The following ANKHD1 variants were observed in gnomAD, a reference collection of about 807,000 sequenced individuals.
The protein encoded by ANKHD1 is ankyrin repeat and KH domain containing 1, also known as ankyrin repeat and KH domain-containing protein 1.
In ANKHD1, 31 loss-of-function variants were observed where a neutral mutation model predicts 230.5. The observed-to-expected ratio is 0.13, with a 90% CI of 0.10 to 0.18. ANKHD1 has a LOEUF of 0.18. Among genes scored for constraint, ANKHD1 ranks in the 10% least tolerant of loss-of-function variants. The probability of loss-of-function intolerance (pLI) is 1.00; values close to 1 mark genes in which losing one functional copy is unlikely to be tolerated. For missense variants in ANKHD1, 2,256 were observed against 3,071.3 expected (o/e 0.73, Z 6.27); for synonymous variants, 1,074 against 1,117.6 (o/e 0.96, Z 0.78).
At chr5:140,449,111 A>T (rs1274273182) in intron 6 of ANKHD1, 100 bp from the exon 7 acceptor site, 1 of 1,243,690 alleles carries the variant, frequency 8.0e-7, no homozygotes. Flanking sequence ...TAAGTTATCA[A>T]ATTCTTGTAT....
chr5:140,447,876 A>G (rs936814515), intron 6 of ANKHD1, among the ~76,000 whole-genome samples: 2 of 152,192 alleles, frequency 1.3e-5, no homozygotes, highest in Non-Finnish European at 2.9e-5. Flanking sequence ...GCGGCCTTAT[A>G]ACTACCACTT....
chr5:140,513,286 C>T, intron 23 of ANKHD1, 77 bp from the exon 24 acceptor site: 1 of 1,407,744 alleles, frequency 7.1e-7, no homozygotes, highest in South Asian at 1.5e-5. Context: ...AACCTCTGGA[C>T]TTTAATGTGC....
chr5:140,459,425 A>C lies in ANKHD1; in HGVS notation c.1672+70A>C, dbSNP rs938661716. On this transcript the variant is annotated intron_variant, in intron 9 of 33. Transcript: ENST00000360839. The stretch of plus-strand genomic sequence containing the variant: ...AATAATAGTTTATATGTGGAATCTA[A>C]AAACGTTGAGCTCCTAGTAGATAAT... 7 of 1,435,358 alleles carry C rather than the reference A, an allele frequency of 4.9e-6. No homozygotes were observed. In the Admixed American group the frequency reaches 1.2e-4, roughly 24 times the overall value. 88.9% of individuals were successfully genotyped at this position (1,435,358 alleles called of 1,614,324 possible).
intron 20 of ANKHD1, 144 bp downstream of exon 20, chr5:140,508,142 T>C: frequency 8.6e-7 from 1 of 1,168,510 alleles, no homozygotes; most frequent in Non-Finnish European, 1.2e-6. Flanking sequence ...TGCTGTATAA[T>C]AGTGAGTGAC....
chr5:140,405,227 C>T (rs1434584904), intron 1 of ANKHD1, among the ~76,000 whole-genome samples: 1 of 152,046 alleles, frequency 6.6e-6, no homozygotes, highest in Non-Finnish European at 1.5e-5. Context: ...TACATGTAGA[C>T]CTCATTTTTG....
At position 140,506,726 on chromosome 5, in the gene ANKHD1, A is replaced by G; in HGVS notation, c.3409-109A>G. 5 of 1,464,602 alleles carry G rather than the reference A, an allele frequency of 3.4e-6. No individual in the cohort carries two copies. The highest frequency in any genetic ancestry group is 2.4e-5 in the East Asian group (1 of 42,256). 90.7% of individuals were successfully genotyped at this position (1,464,602 alleles called of 1,614,324 possible). On this transcript the variant is annotated intron_variant, in intron 18 of 33. Transcript: ENST00000360839. This position sits in a 1 kb window ranked among gnomAD's most constrained non-coding sequence, Gnocchi z 4.7. Reference sequence around the variant, plus strand: ...GGGTCTAATGAAATGTAATTAAAATATCAGATATTTAGATAAGGAAGTTAT... The same window carrying G: ...GGGTCTAATGAAATGTAATTAAAATGTCAGATATTTAGATAAGGAAGTTAT...
At position 140,526,403 on chromosome 5, in the gene ANKHD1, G is replaced by C. The variant is rs780547952; in HGVS notation, c.4900G>C (p.Glu1634Gln). The C allele has an allele frequency of 3.7e-6, 6 of 1,613,738 alleles. No individual in the cohort carries two copies. The highest frequency in any genetic ancestry group is 5.1e-6 in the Non-Finnish European group (6 of 1,179,894). The change falls in exon 26 of 34, where the codon GAA becomes CAA. Residue 1634 changes from glutamate (E) to glutamine (Q), a missense_variant. Physicochemically the swap from Glu to Gln is conservative, Grantham distance 29 (BLOSUM62 2). Coordinates refer to ENST00000360839, the MANE Select transcript of ANKHD1 (RefSeq NM_017747.3). ...KYPSLLLHSQ[E>Q]EKTSTATSKT... ...CCCCTCACTGCTCCTTCATTCCCAA[G>C]AAGAAAAGACAAGTACTGCTACTTC...
At chr5:140,466,790 C>A (rs1236835436) in intron 10 of ANKHD1, among the ~76,000 whole-genome samples, 1 of 151,878 alleles carries the variant, frequency 6.6e-6, no homozygotes, top group Admixed American at 6.6e-5. Flanking sequence ...ACTAAAAATA[C>A]AAAAAAATTA....
At chr5:140,463,913 C>T (rs747101569) in intron 9 of ANKHD1, among the ~76,000 whole-genome samples, 2 of 151,906 alleles carry the variant, frequency 1.3e-5, no homozygotes, top group African/African-American at 2.4e-5. Context: ...GTGATCTGCC[C>T]GCCTCAGCCT....
chr5:140,482,489 C>A, intron 10 of ANKHD1, 91 bp from the exon 11 acceptor site: 1 of 1,405,704 alleles, frequency 7.1e-7, no homozygotes, highest in Non-Finnish European at 9.7e-7. Context: ...TATATTAAAT[C>A]CTCGTTATTT....
At chr5:140,414,553 T>C (rs1463320627) in intron 1 of ANKHD1, among the ~76,000 whole-genome samples, 2 of 152,114 alleles carry the variant, frequency 1.3e-5, no homozygotes, top group Non-Finnish European at 2.9e-5. Context: ...TATTGCCGAT[T>C]AGGCACAGTG....
rs1242578575 is a variant in ANKHD1 at position 140,472,578 on chromosome 5, T to C, written c.1782+7802T>C. On this transcript the variant is annotated intron_variant, in intron 10 of 33. Transcript: ENST00000360839. ...GGTAGTTCTTTTACATTCTCCTTTA[T>C]TGGGAGAGTTAGTATACCGCAGAGA... 8.6e-6 allele frequency: 5 copies of C among 579,530 alleles called. No individual in the cohort carries two copies. In the South Asian group the frequency reaches 1.5e-4, roughly 18 times the overall value. The allele number at this position is 579,530 out of a possible 1,614,324, so 35.9% of individuals were successfully genotyped here.
intron 15 of ANKHD1, among the ~76,000 whole-genome samples, chr5:140,502,722 G>A (rs1752359365): frequency 6.6e-6 from 1 of 151,466 alleles, no homozygotes; most frequent in Admixed American, 6.6e-5. Context: ...TAACAAAATA[G>A]TATCTGCTTT....
At chr5:140,462,724 CAAAA>C (rs70988762) in intron 9 of ANKHD1, among the ~76,000 whole-genome samples, 1 of 89,030 alleles carries the variant, frequency 1.1e-5, no homozygotes, top group Non-Finnish European at 2.1e-5. Context: ...GACTCCATCT[CAAAA>C]AAAAAAAAAA....
chr5:140,489,047 A>G (rs1304054060), intron 14 of ANKHD1, among the ~76,000 whole-genome samples: 1 of 152,096 alleles, frequency 6.6e-6, no homozygotes, highest in Non-Finnish European at 1.5e-5. Context: ...AAAGTTAGCC[A>G]GGAGTGGTGG....
At chr5:140,443,564 G>C (rs190237688) in intron 5 of ANKHD1, among the ~76,000 whole-genome samples, 3 of 151,818 alleles carry the variant, frequency 2.0e-5, no homozygotes, top group Non-Finnish European at 4.4e-5. Context: ...GGTGGCAGGC[G>C]CCTGTAGTCC....
At chr5:140,490,837 C>T (rs1217718323) in intron 14 of ANKHD1, among the ~76,000 whole-genome samples, 1 of 151,778 alleles carries the variant, frequency 6.6e-6, no homozygotes, top group Non-Finnish European at 1.5e-5. Flanking sequence ...GATCTTCCTT[C>T]CAGTTCTTGT....
chr5:140,407,680 T>C (rs1254725952), intron 1 of ANKHD1, among the ~76,000 whole-genome samples: 3 of 152,232 alleles, frequency 2.0e-5, no homozygotes, highest in African/African-American at 7.2e-5. Context: ...TGTAAGCCAC[T>C]GTGCCTGACC....
At chr5:140,478,307 T>TA (rs1176584270) in intron 10 of ANKHD1, among the ~76,000 whole-genome samples, 2 of 149,054 alleles carry the variant, frequency 1.3e-5, no homozygotes, top group Non-Finnish European at 3.0e-5. Flanking sequence ...AGCTGGTTTT[T>TA]AAAAAAAGAC....
Sources: gnomAD v4.1 joint callset for allele counts (sites outside exome capture counted in the v4.1 genomes callset) on GRCh38, gnomAD v4.1.1 for gene constraint, Gnocchi (gnomAD v3.1) non-coding constraint, MANE v1.5 for transcripts, NCBI Gene and HGNC (gene_info 2026-07-23, HGNC 2026-07-21) for gene names.